The following SNTG1 variants were observed in gnomAD, a reference collection of about 807,000 sequenced individuals.
SNTG1 encodes the protein syntrophin gamma 1, also known as gamma-1-syntrophin.
In SNTG1, 39 loss-of-function variants were observed where a neutral mutation model predicts 74.7. The observed-to-expected ratio is 0.52, with a 90% CI of 0.40 to 0.68. SNTG1 has a LOEUF of 0.68. SNTG1 is among the 30% of genes least tolerant of loss of function. The pLI is 0.00. For synonymous variants in SNTG1, 254 were observed against 217.1 expected, an observed-to-expected ratio of 1.17 and a Z score of -1.49; for missense variants, 685 against 609.5, an observed-to-expected ratio of 1.12 and a Z score of -1.30.
At chr8:50,491,886 G>GC (rs71235304) in intron 8 of SNTG1, among the ~76,000 whole-genome samples, 103,694 of 136,532 alleles carry the variant, frequency 0.76, 38,698 homozygotes, top group East Asian at 0.84. Context: ...TAGCTCCCCC[G>GC]CCCCCCTACC....
intron 8 of SNTG1, among the ~76,000 whole-genome samples, chr8:50,485,005 C>T (rs2093778255): frequency 6.6e-6 from 1 of 152,198 alleles, no homozygotes; most frequent in Non-Finnish European, 1.5e-5. Flanking sequence ...TAAATATACT[C>T]TCTGCCATTG....
intron 1 of SNTG1, among the ~76,000 whole-genome samples, chr8:49,979,349 T>G (rs1812470715): frequency 2.0e-5 from 3 of 152,342 alleles, no homozygotes; most frequent in African/African-American, 7.2e-5. Flanking sequence ...TACAGCCGTT[T>G]CAGCAGGCGA....
intron 13 of SNTG1, among the ~76,000 whole-genome samples, chr8:50,600,273 G>T (rs2094763055): frequency 6.6e-6 from 1 of 151,564 alleles, no homozygotes; most frequent in Non-Finnish European, 1.5e-5. Flanking sequence ...TTTCAGATAT[G>T]CCTTTGTCTG....
At chr8:50,218,168 T>A (rs530573716) in intron 2 of SNTG1, among the ~76,000 whole-genome samples, 3 of 152,204 alleles carry the variant, frequency 2.0e-5, no homozygotes, top group African/African-American at 7.2e-5. Context: ...ATGAGACTAA[T>A]GTTTTATGTT....
chr8:49,922,676 T>C (rs777476365), intron 1 of SNTG1, among the ~76,000 whole-genome samples: 3 of 152,140 alleles, frequency 2.0e-5, no homozygotes, highest in Admixed American at 6.6e-5. Flanking sequence ...ATCTGTATAT[T>C]TGGCAATAAT....
At chr8:50,745,667 G>A (rs541704107) in intron 17 of SNTG1, among the ~76,000 whole-genome samples, 188 of 152,056 alleles carry the variant, frequency 1.2e-3, no homozygotes, top group African/African-American at 4.2e-3. Context: ...AGTGTCGGTC[G>A]ATAAATGAAT....
intron 12 of SNTG1, among the ~76,000 whole-genome samples, chr8:50,573,797 A>T (rs1020589295): frequency 1.3e-5 from 2 of 151,938 alleles, no homozygotes; most frequent in African/African-American, 2.4e-5. Context: ...AAAAGTTTCT[A>T]TTTAATTTAA....
At chr8:50,551,520 G>A (rs1187857404) in intron 11 of SNTG1, among the ~76,000 whole-genome samples, 1 of 152,104 alleles carries the variant, frequency 6.6e-6, no homozygotes, top group African/African-American at 2.4e-5. Flanking sequence ...TATAACCAGA[G>A]AGCAGAAAGA....
At chr8:50,208,461 C>T (rs950176175) in intron 2 of SNTG1, among the ~76,000 whole-genome samples, 5 of 152,100 alleles carry the variant, frequency 3.3e-5, no homozygotes, top group Non-Finnish European at 7.4e-5. Flanking sequence ...TGTCTCTCCA[C>T]GTGAGATGGT....
At chr8:49,996,068 A>C (rs1244297406) in intron 1 of SNTG1, among the ~76,000 whole-genome samples, 1 of 152,162 alleles carries the variant, frequency 6.6e-6, no homozygotes, top group Non-Finnish European at 1.5e-5. Context: ...TAAACTAGAA[A>C]ATATATGATA....
chr8:50,510,494 C>T (rs1369682066), intron 9 of SNTG1, among the ~76,000 whole-genome samples: 2 of 152,114 alleles, frequency 1.3e-5, no homozygotes, highest in African/African-American at 4.8e-5. Context: ...GGAATGGTAC[C>T]AGCTCCTCTT....
chr8:50,408,820 A>G (rs1243826587), intron 4 of SNTG1, among the ~76,000 whole-genome samples: 1 of 152,174 alleles, frequency 6.6e-6, no homozygotes, highest in East Asian at 1.9e-4. Context: ...ACAAGAATTG[A>G]GAATTCGTGG....
intron 2 of SNTG1, among the ~76,000 whole-genome samples, chr8:50,203,752 G>A (rs1173234875): frequency 2.0e-5 from 3 of 151,328 alleles, no homozygotes; most frequent in Admixed American, 2.0e-4. Flanking sequence ...TTAAATATGT[G>A]TGTGTGTGTT....
intron 12 of SNTG1, among the ~76,000 whole-genome samples, chr8:50,576,229 A>G (rs2094576074): frequency 6.6e-6 from 1 of 152,214 alleles, no homozygotes; most frequent in Non-Finnish European, 1.5e-5. Flanking sequence ...TCATTAGTTA[A>G]TACGACTGTC....
intron 1 of SNTG1, among the ~76,000 whole-genome samples, chr8:50,018,062 A>G (rs750337442): frequency 6.6e-6 from 1 of 152,012 alleles, no homozygotes; most frequent in Admixed American, 6.6e-5. Flanking sequence ...ATCAATCATA[A>G]GACTTAACAT....
intron 18 of SNTG1, 71 bp downstream of exon 18, chr8:50,752,182 C>T (rs1399638243): frequency 1.3e-6 from 1 of 790,566 alleles, no homozygotes. Flanking sequence ...AGAGGGGAAA[C>T]TTTCGGGGAA....
intron 1 of SNTG1, among the ~76,000 whole-genome samples, chr8:50,000,235 G>A (rs1814618495): frequency 6.6e-6 from 1 of 151,692 alleles, no homozygotes; most frequent in South Asian, 2.1e-4. Flanking sequence ...TTACTTCCGG[G>A]CTTTTAATAT....
intron 2 of SNTG1, among the ~76,000 whole-genome samples, chr8:50,221,545 AC>A (rs1563760166): frequency 1.3e-5 from 2 of 151,576 alleles, no homozygotes. Flanking sequence ...ACACACACAC[AC>A]ACACAAGACT....
intron 1 of SNTG1, among the ~76,000 whole-genome samples, chr8:50,049,411 A>C (rs1280194813): frequency 6.6e-6 from 1 of 152,180 alleles, no homozygotes; most frequent in African/African-American, 2.4e-5. Flanking sequence ...GGTCATTATT[A>C]TATTTATGCA....
Sources: gnomAD v4.1 joint callset for allele counts (sites outside exome capture counted in the v4.1 genomes callset) on GRCh38, gnomAD v4.1.1 for gene constraint, MANE v1.5 for transcripts, NCBI Gene and HGNC (gene_info 2026-07-23, HGNC 2026-07-21) for gene names.